Variants in PDZD2 observed in about 807,000 individuals in gnomAD.
PDZD2 encodes the protein PDZ domain containing 2.
In PDZD2, 90 loss-of-function variants were observed where a neutral mutation model predicts 220.7. The observed-to-expected ratio is 0.41, with a 90% CI of 0.34 to 0.49. PDZD2 has a LOEUF of 0.49. Among genes scored for constraint, PDZD2 ranks in the 20% least tolerant of loss-of-function variants. The pLI, the probability that PDZD2 is intolerant of heterozygous loss-of-function variation, is 0.28. For missense variants in PDZD2, 3,174 were observed against 3,608.5 expected (o/e 0.88, Z 3.08); for synonymous variants, 1,375 against 1,450.5 (o/e 0.95, Z 1.18).
At position 32,000,263 on chromosome 5, in the gene PDZD2, G is replaced by A; in HGVS notation, c.1246G>A (p.Ala416Thr). The A allele has an allele frequency of 6.2e-7, 1 of 1,614,198 alleles. No homozygotes were observed. The highest frequency in any genetic ancestry group is 1.3e-5 in the African/African-American group (1 of 75,046). ...SATGMVQLVVASKENSAEDLL... is the reference protein window; with the variant it reads ...SATGMVQLVVTSKENSAEDLL... ...CACGGGAATGGTGCAGCTTGTGGTG[G>A]CCAGCAAGGTAGGTCGTGTTTGTTT... Residue 416 changes from alanine (A) to threonine (T), a missense_variant, in exon 5 of 25, where the codon GCC (alanine) becomes ACC (threonine). Ala to Thr is a moderately conservative substitution (Grantham distance 58). Transcript: ENST00000438447. The surrounding 1 kb of genome is among the most constrained non-coding windows in gnomAD (Gnocchi z 4.5).
intron 10 of PDZD2, among the ~76,000 whole-genome samples, chr5:32,054,312 C>CTTTTTTTTTTTTT (rs57135705): frequency 1.6e-4 from 11 of 69,332 alleles, no homozygotes; most frequent in Admixed American, 4.4e-4. Context: ...AAATGAACAT[C>CTTTTTTTTTTTTT]TTTTTTTTTT....
intron 17 of PDZD2, 90 bp downstream of exon 17, chr5:32,072,407 A>T: frequency 9.6e-7 from 1 of 1,039,298 alleles, no homozygotes; most frequent in Non-Finnish European, 1.4e-6. Context: ...ACAATGGTTT[A>T]GCTACCCTGG....
In PDZD2 at chr5:31,832,772, C is replaced by T. The variant is rs553244916; in HGVS notation, c.476+33048C>T. On this transcript the variant is annotated intron_variant, in intron 2 of 24. Transcript: ENST00000438447. ...CGGAGGTTGCAGTGAGCCGAGATCG[C>T]GCCACTGCACTCCAGCCTGGGTGAC... Among the ~76,000 whole-genome samples the T allele has an allele frequency of 1.3e-4, 20 of 152,132 alleles. 1 individual carries two copies. The highest frequency in any genetic ancestry group is 7.8e-4 in the East Asian group (4 of 5,160).
At position 31,995,639 on chromosome 5, in the gene PDZD2, G is replaced by T. The variant is rs1454972394; in HGVS notation, c.1042G>T (p.Val348Phe). 6.2e-7 allele frequency: 1 copy of T among 1,614,124 alleles called. No individual in the cohort carries two copies. The highest frequency in any genetic ancestry group is 1.1e-5 in the South Asian group (1 of 91,078). The change falls in exon 4 of 25, where the codon GTT becomes TTT. Residue 348 changes from valine (V) to phenylalanine (F), a missense_variant. Coordinates refer to ENST00000438447, the MANE Select transcript of PDZD2 (RefSeq NM_178140.4). ...LKESDGLGIQ[V>F]SGGRGSKRSP... is the part of the protein sequence containing the mutation. ...AGAATCGGATGGGCTGGGAATTCAG[G>T]TTAGTGGAGGCCGAGGATCAAAGCG... is the stretch of plus-strand genomic sequence containing the variant.
chr5:31,919,602 A>C (rs7706070), intron 2 of PDZD2, among the ~76,000 whole-genome samples: 118,651 of 151,102 alleles, frequency 0.79, 46,802 homozygotes, highest in East Asian at 0.98. Context: ...CTGCCTCGGC[A>C]ACCCAGAGTG....
intron 2 of PDZD2, among the ~76,000 whole-genome samples, chr5:31,815,795 T>C (rs1023887070): frequency 4.6e-5 from 7 of 152,194 alleles, no homozygotes; most frequent in Admixed American, 1.3e-4. Flanking sequence ...CCTGAAAATT[T>C]TGTAAAAACT....
intron 6 of PDZD2, among the ~76,000 whole-genome samples, chr5:32,031,823 GTATT>G (rs1755142987): frequency 1.3e-5 from 2 of 152,114 alleles, no homozygotes; most frequent in Admixed American, 1.3e-4. Flanking sequence ...CAATTGCAAG[GTATT>G]TTTAACTCTT....
intron 20 of PDZD2, 28 bp downstream of exon 20, chr5:32,091,203 C>T (rs1453136545): frequency 4.1e-6 from 6 of 1,458,020 alleles, no homozygotes; most frequent in Non-Finnish European, 3.7e-6. Flanking sequence ...ACTTTTATTT[C>T]AGATAAACTT....
intron 7 of PDZD2, among the ~76,000 whole-genome samples, chr5:32,043,955 C>T (rs537399914): frequency 5.7e-4 from 87 of 152,182 alleles, no homozygotes; most frequent in African/African-American, 2.0e-3. Flanking sequence ...ATATTATGTT[C>T]ATTGTCATTT....
intron 2 of PDZD2, among the ~76,000 whole-genome samples, chr5:31,881,107 A>G (rs909441605): frequency 6.6e-6 from 1 of 151,906 alleles, no homozygotes; most frequent in Non-Finnish European, 1.5e-5. Context: ...GCTGAAAGGT[A>G]GCTTTCTGGC....
intron 2 of PDZD2, chr5:31,847,704 T>C: frequency 1.7e-6 from 1 of 602,772 alleles, no homozygotes; most frequent in Non-Finnish European, 3.2e-6. Flanking sequence ...GCTATTTGGA[T>C]GCAGGCCTTG....
chr5:32,057,107 A>C (rs1739159865), intron 10 of PDZD2, among the ~76,000 whole-genome samples: 1 of 152,140 alleles, frequency 6.6e-6, no homozygotes, highest in South Asian at 2.1e-4. Context: ...TTCAAAAAAA[A>C]ATTTTTTTTT....
intron 15 of PDZD2, among the ~76,000 whole-genome samples, 154 bp downstream of exon 15, chr5:32,069,804 T>C (rs6862076): frequency 0.37 from 56,168 of 152,056 alleles, 10,914 homozygotes; most frequent in African/African-American, 0.51. Flanking sequence ...CTCTTGGCTG[T>C]TAGTTTTGAT....
intron 7 of PDZD2, among the ~76,000 whole-genome samples, chr5:32,041,127 C>T (rs1204285127): frequency 2.1e-5 from 3 of 142,564 alleles, no homozygotes; most frequent in Non-Finnish European, 3.0e-5. Flanking sequence ...CCCGGCCGCC[C>T]CGTCTGGGAA....
chr5:31,970,615 C>G (rs1210710056), intron 2 of PDZD2, among the ~76,000 whole-genome samples: 1 of 151,888 alleles, frequency 6.6e-6, no homozygotes, highest in African/African-American at 2.4e-5. Flanking sequence ...GATATCACGC[C>G]ACTGCACTCC....
chr5:31,858,468 T>C (rs371162479), intron 2 of PDZD2, among the ~76,000 whole-genome samples: 28 of 152,318 alleles, frequency 1.8e-4, no homozygotes, highest in African/African-American at 6.3e-4. Flanking sequence ...CATTCCTGAG[T>C]GTAGGCCAAA....
chr5:32,071,855 C>T (rs1317579228), intron 16 of PDZD2, among the ~76,000 whole-genome samples: 1 of 152,182 alleles, frequency 6.6e-6, no homozygotes, highest in African/African-American at 2.4e-5. Flanking sequence ...TCTTTCCCAT[C>T]GCATCCCCCC....
chr5:32,092,145 G>T (rs1581477811), intron 20 of PDZD2, among the ~76,000 whole-genome samples: 1 of 151,744 alleles, frequency 6.6e-6, no homozygotes, highest in East Asian at 1.9e-4. Context: ...ATGGTGGCAG[G>T]CGCCTGTAAT....
At chr5:32,022,109 A>G (rs1176876136) in intron 6 of PDZD2, among the ~76,000 whole-genome samples, 1 of 150,948 alleles carries the variant, frequency 6.6e-6, no homozygotes, top group African/African-American at 2.4e-5. Context: ...TTCTTCTCTC[A>G]TGGTATTTTT....
Sources: gnomAD v4.1 joint callset for allele counts (sites outside exome capture counted in the v4.1 genomes callset) on GRCh38, gnomAD v4.1.1 for gene constraint, Gnocchi (gnomAD v3.1) non-coding constraint, MANE v1.5 for transcripts, NCBI Gene and HGNC (gene_info 2026-07-23, HGNC 2026-07-21) for gene names.